The following LYPD6 variants were observed in gnomAD, a reference collection of about 807,000 sequenced individuals.
LYPD6 encodes the protein ly6/PLAUR domain-containing protein 6.
A neutral mutation model predicts 22.7 loss-of-function variants in LYPD6; 15 were observed. The ratio of observed to expected loss-of-function variants is 0.66; its 90% CI spans 0.44 to 1.02. The LOEUF (loss-of-function observed/expected upper bound fraction) is 1.02. Ranked by LOEUF, LYPD6 falls within the 50% of genes least tolerant of loss-of-function variation. The pLI, the probability that LYPD6 is intolerant of heterozygous loss-of-function variation, is 0.00. For missense variants in LYPD6, 189 were observed against 208.4 expected, an observed-to-expected ratio of 0.91 and a Z score of 0.57; for synonymous variants, 72 against 77.5, an observed-to-expected ratio of 0.93 and a Z score of 0.37.
chr2:149,461,708 A>G (rs954111069), intron 3 of LYPD6, among the ~76,000 whole-genome samples: 3 of 151,996 alleles, frequency 2.0e-5, no homozygotes, highest in Non-Finnish European at 4.4e-5. Context: ...ATGCACCATG[A>G]CAAAGTGGGG....
At chr2:149,379,160 C>G (rs1198077496) in intron 1 of LYPD6, among the ~76,000 whole-genome samples, 1 of 152,048 alleles carries the variant, frequency 6.6e-6, no homozygotes, top group Non-Finnish European at 1.5e-5. Context: ...ATGGGAGCCC[C>G]CTCAACTAGA....
chr2:149,404,998 G>T (rs1682663140), intron 1 of LYPD6, among the ~76,000 whole-genome samples: 1 of 152,058 alleles, frequency 6.6e-6, no homozygotes, highest in Non-Finnish European at 1.5e-5. Context: ...TAATCATGTG[G>T]TTTTTGTCTT....
intron 1 of LYPD6, among the ~76,000 whole-genome samples, chr2:149,347,505 T>C (rs1183251312): frequency 1.3e-5 from 2 of 152,182 alleles, no homozygotes; most frequent in Non-Finnish European, 2.9e-5. Flanking sequence ...CAAAATGGAA[T>C]TGATTTGTTA....
At chr2:149,468,413 A>G (rs765367710) in intron 3 of LYPD6, among the ~76,000 whole-genome samples, 1 of 152,176 alleles carries the variant, frequency 6.6e-6, no homozygotes, top group Non-Finnish European at 1.5e-5. Flanking sequence ...GTCTTGGTTT[A>G]TGGGAATAAT....
chr2:149,485,555 C>T, the LYPD6 span, among the ~76,000 whole-genome samples: 1 of 152,112 alleles, frequency 6.6e-6, no homozygotes, highest in Non-Finnish European at 1.5e-5. Context: ...TTTTTCTAAG[C>T]TGTCAGCATA....
At chr2:149,388,333 C>G (rs2105095267) in intron 1 of LYPD6, among the ~76,000 whole-genome samples, 1 of 152,008 alleles carries the variant, frequency 6.6e-6, no homozygotes, top group Non-Finnish European at 1.5e-5. Flanking sequence ...CACATGAATT[C>G]AGAAACATTG....
intron 1 of LYPD6, among the ~76,000 whole-genome samples, chr2:149,437,336 C>A (rs1381108115): frequency 6.6e-6 from 1 of 152,106 alleles, no homozygotes; most frequent in Non-Finnish European, 1.5e-5. Context: ...TGGCAGCCAT[C>A]CCCTGGCCTC....
At chr2:149,441,262 A>G (rs1384223490) in intron 2 of LYPD6, among the ~76,000 whole-genome samples, 2 of 152,326 alleles carry the variant, frequency 1.3e-5, no homozygotes, top group East Asian at 1.9e-4. Flanking sequence ...AGATGAAGGC[A>G]CAAACAGCAT....
downstream of LYPD6, among the ~76,000 whole-genome samples, chr2:149,478,781 T>A (rs1681480675): frequency 6.6e-6 from 1 of 152,172 alleles, no homozygotes; most frequent in African/African-American, 2.4e-5. Flanking sequence ...CAACTCTGGA[T>A]ACTTTTACTT....
chr2:149,381,428 T>C (rs1351730966), intron 1 of LYPD6, among the ~76,000 whole-genome samples: 1 of 152,126 alleles, frequency 6.6e-6, no homozygotes, highest in African/African-American at 2.4e-5. Flanking sequence ...GTTCATCCTC[T>C]GTAACAGGAG....
intron 1 of LYPD6, among the ~76,000 whole-genome samples, chr2:149,346,889 C>T (rs1482382180): frequency 3.3e-5 from 5 of 152,066 alleles, no homozygotes; most frequent in African/African-American, 4.8e-5. Flanking sequence ...TTAGTAGAGA[C>T]GGGGTTTCAC....
In LYPD6 at chr2:149,384,971, C is replaced by T. The variant is rs1397352830; in HGVS notation, c.-71-52667C>T. Among the ~76,000 whole-genome samples the T allele has an allele frequency of 4.1e-5, 6 of 147,324 alleles. 1 individual carries two copies. The highest frequency in any genetic ancestry group is 7.4e-5 in the Non-Finnish European group (5 of 67,442). ...TTCAATTCCCACCTGTGAGTGAGAA[C>T]ATGTGGTGTCTGGTTTTTTGTCCTT... On this transcript the variant is annotated intron_variant, in intron 1 of 4. Transcript: ENST00000334166.
intron 3 of LYPD6, among the ~76,000 whole-genome samples, chr2:149,456,801 A>G (rs1358322257): frequency 6.6e-6 from 1 of 152,174 alleles, no homozygotes; most frequent in Non-Finnish European, 1.5e-5. Context: ...TTTTATGGCA[A>G]CCCTGGAAAC....
Position 149,430,096 on chromosome 2 carries a change from G to GTATT in LYPD6, c.-71-7524_-71-7521dup, listed in dbSNP as rs141066148. On this transcript the variant is annotated intron_variant, in intron 1 of 4. Transcript: ENST00000334166. ...GAGACATGTGAAAGAATTCGCAATT[G>GTATT]TATTTATTTATTTATTTATTTGAGA... Among the ~76,000 whole-genome samples, 307 of 152,134 alleles carry GTATT rather than the reference G, an allele frequency of 2.0e-3. 2 individuals carry two copies. In the East Asian group the frequency reaches 0.036, roughly 18 times the overall value.
intron 1 of LYPD6, among the ~76,000 whole-genome samples, chr2:149,428,049 G>A (rs1245136563): frequency 6.6e-6 from 1 of 152,230 alleles, no homozygotes; most frequent in Non-Finnish European, 1.5e-5. Flanking sequence ...GATTGGGTAT[G>A]CATGAATAAC....
chr2:149,449,177 C>G (rs371438386), intron 3 of LYPD6, 30 bp downstream of exon 3: 16 of 1,523,502 alleles, frequency 1.1e-5, no homozygotes, highest in African/African-American at 5.5e-5. Flanking sequence ...ATTGGGGTCC[C>G]CTGGGCTGTC....
At chr2:149,409,968 C>T (rs1262791324) in intron 1 of LYPD6, among the ~76,000 whole-genome samples, 1 of 152,126 alleles carries the variant, frequency 6.6e-6, no homozygotes, top group Non-Finnish European at 1.5e-5. Context: ...TGGTGTGTTC[C>T]TGTGGTAGTT....
chr2:149,474,706 T>C (rs919393457), downstream of LYPD6, among the ~76,000 whole-genome samples: 11 of 152,206 alleles, frequency 7.2e-5, no homozygotes, highest in Non-Finnish European at 1.6e-4. Context: ...GCAGGTGGAC[T>C]GTGCTTTTAG....
At chr2:149,468,476 G>A (rs1681256042) in intron 3 of LYPD6, among the ~76,000 whole-genome samples, 169 bp from the exon 4 acceptor site, 2 of 152,182 alleles carry the variant, frequency 1.3e-5, no homozygotes, top group Non-Finnish European at 2.9e-5. Flanking sequence ...CCATGGCAAA[G>A]TGGAGCTCTC....
Sources: allele counts gnomAD v4.1 joint callset (sites outside exome capture counted in the v4.1 genomes callset), GRCh38; gene constraint gnomAD v4.1.1; transcripts MANE v1.5; gene names NCBI Gene and HGNC (gene_info 2026-07-23, HGNC 2026-07-21).